TCF7L1: variants seen among roughly 807,000 people sequenced by gnomAD.
TCF7L1 encodes the protein transcription factor 7 like 1.
Under a neutral mutation model 63.7 loss-of-function variants are expected in TCF7L1, and 18 were observed. That is an observed-to-expected ratio of 0.28 (90% CI 0.20 to 0.42). The LOEUF (loss-of-function observed/expected upper bound fraction) is 0.42. Among genes scored for constraint, TCF7L1 ranks in the 10% least tolerant of loss-of-function variants. The pLI is 1.00. For synonymous variants in TCF7L1, 355 were observed against 340.9 expected (o/e 1.04, Z -0.46); for missense variants, 654 against 779.3 (o/e 0.84, Z 1.91).
chr2:85,232,810 C>T (rs556061858), intron 3 of TCF7L1: 1 of 152,160 alleles, frequency 6.6e-6, no homozygotes, highest in Non-Finnish European at 1.5e-5. Flanking sequence ...TCATCTTTAC[C>T]TTACCCTGGT....
intron 3 of TCF7L1, among the ~76,000 whole-genome samples, chr2:85,138,895 C>T (rs1180749589): frequency 2.6e-5 from 4 of 152,094 alleles, no homozygotes; most frequent in African/African-American, 9.7e-5. Context: ...GATTAACTCG[C>T]TGGAAAATCT....
intron 4 of TCF7L1, among the ~76,000 whole-genome samples, chr2:85,295,363 G>GGCTA (rs1681817723): frequency 6.6e-6 from 1 of 151,916 alleles, no homozygotes; most frequent in South Asian, 2.1e-4. Context: ...CCGCATGCCC[G>GGCTA]GCTAATTTTG....
At chr2:85,261,424 C>T (rs965322888) in intron 3 of TCF7L1, among the ~76,000 whole-genome samples, 4 of 152,118 alleles carry the variant, frequency 2.6e-5, no homozygotes, top group Admixed American at 6.5e-5. Context: ...TGTGTGCTCA[C>T]GAAGGATACC....
chr2:85,164,220 G>A (rs987178505), intron 3 of TCF7L1, among the ~76,000 whole-genome samples: 7 of 152,094 alleles, frequency 4.6e-5, no homozygotes, highest in Non-Finnish European at 1.0e-4. Flanking sequence ...ACTGACTGGC[G>A]TCTGCTCCCT....
At chr2:85,269,661 C>T (rs897704559) in intron 3 of TCF7L1, among the ~76,000 whole-genome samples, 1 of 151,976 alleles carries the variant, frequency 6.6e-6, no homozygotes, top group Non-Finnish European at 1.5e-5. Context: ...ATTTTAAGGC[C>T]GATTAATGTA....
chr2:85,269,382 G>A (rs1681090329), intron 3 of TCF7L1, among the ~76,000 whole-genome samples: 1 of 152,174 alleles, frequency 6.6e-6, no homozygotes, highest in African/African-American at 2.4e-5. Flanking sequence ...CCTGTAACAT[G>A]CATGTGTAAT....
chr2:85,276,847 T>C (rs893188479), intron 3 of TCF7L1, among the ~76,000 whole-genome samples: 3 of 152,138 alleles, frequency 2.0e-5, no homozygotes, highest in Non-Finnish European at 2.9e-5. Context: ...AGGAGTAGCC[T>C]GGTGAGTGCT....
intron 3 of TCF7L1, chr2:85,213,666 G>C (rs1047846176): frequency 6.6e-6 from 1 of 152,198 alleles, no homozygotes; most frequent in Non-Finnish European, 1.5e-5. Context: ...CCTGGGAAGT[G>C]AAACTGTGGC....
At chr2:85,216,020 G>A (rs899951787) in intron 3 of TCF7L1, among the ~76,000 whole-genome samples, 2 of 152,058 alleles carry the variant, frequency 1.3e-5, no homozygotes, top group African/African-American at 4.8e-5. Context: ...CGCTGGGCGG[G>A]GGACAATCTC....
chr2:85,145,997 C>G (rs1272343753), intron 3 of TCF7L1, among the ~76,000 whole-genome samples: 1 of 152,082 alleles, frequency 6.6e-6, no homozygotes, highest in Non-Finnish European at 1.5e-5. Flanking sequence ...AGGCATGAGC[C>G]ACTGAGCCCA....
chr2:85,249,689 G>T (rs989043967), intron 3 of TCF7L1, among the ~76,000 whole-genome samples: 1 of 152,156 alleles, frequency 6.6e-6, no homozygotes, highest in African/African-American at 2.4e-5. Context: ...ATTTGCTCTT[G>T]AGTCTTAGTT....
At chr2:85,266,462 G>A (rs143996542) in intron 3 of TCF7L1, among the ~76,000 whole-genome samples, 1 of 152,356 alleles carries the variant, frequency 6.6e-6, no homozygotes, top group Non-Finnish European at 1.5e-5. Context: ...CTCAAATTCT[G>A]CAAACAAATG....
intron 3 of TCF7L1, chr2:85,233,070 T>G (rs1028155807): frequency 6.6e-6 from 1 of 152,262 alleles, no homozygotes; most frequent in African/African-American, 2.4e-5. Flanking sequence ...TAGCTGGGAC[T>G]ACAGGTATGT....
At chr2:85,156,514 G>A (rs1558618760) in intron 3 of TCF7L1, among the ~76,000 whole-genome samples, 2 of 152,292 alleles carry the variant, frequency 1.3e-5, no homozygotes, top group East Asian at 3.9e-4. Flanking sequence ...GGAGCTCTGG[G>A]GCCAGTGCGT....
chr2:85,163,491 T>C (rs1036659773), intron 3 of TCF7L1, among the ~76,000 whole-genome samples: 4 of 152,092 alleles, frequency 2.6e-5, no homozygotes, highest in South Asian at 4.1e-4. Context: ...CCGAACAGAA[T>C]CTAATTTCAG....
intron 3 of TCF7L1, chr2:85,205,081 G>A (rs1232280721): frequency 2.0e-5 from 3 of 152,120 alleles, no homozygotes; most frequent in Admixed American, 1.3e-4. Context: ...GAAGTGGAAT[G>A]AGATTAGGAG....
Position 85,192,121 on chromosome 2 carries a change from G to A in TCF7L1, c.441+57671G>A, listed in dbSNP as rs138169107. Among the ~76,000 whole-genome samples the A allele has an allele frequency of 5.3e-5, 8 of 152,344 alleles. No homozygotes were observed. The East Asian group carries it at 1.5e-3, about 29-fold the overall frequency. On this transcript the variant is annotated intron_variant, in intron 3 of 11. Transcript: ENST00000282111. ...CTGATGGCAGGTGCAGCCACAGTTA[G>A]CTGAGGGGCAGTGGTCTCCATTCAG...
chr2:85,278,178 A>G (rs939009240), intron 3 of TCF7L1, among the ~76,000 whole-genome samples: 25 of 152,210 alleles, frequency 1.6e-4, no homozygotes, highest in African/African-American at 1.2e-4. Flanking sequence ...CTCTAGTGAC[A>G]GCATCCTTCA....
At chr2:85,265,736 G>A (rs1031290409) in intron 3 of TCF7L1, among the ~76,000 whole-genome samples, 1 of 151,864 alleles carries the variant, frequency 6.6e-6, no homozygotes, top group Non-Finnish European at 1.5e-5. Context: ...AGAAATGAGA[G>A]GCTGAAGATT....
Sources: gnomAD v4.1 joint callset for allele counts (sites outside exome capture counted in the v4.1 genomes callset) on GRCh38, gnomAD v4.1.1 for gene constraint, MANE v1.5 for transcripts, NCBI Gene and HGNC (gene_info 2026-07-23, HGNC 2026-07-21) for gene names.